Variants in DCLK2 observed in about 807,000 individuals in gnomAD.
DCLK2 encodes doublecortin like kinase 2.
In DCLK2, 31 loss-of-function variants were observed where a neutral mutation model predicts 78.4. That is an observed-to-expected ratio of 0.40 (90% CI 0.30 to 0.53). The LOEUF is 0.53. Ranked by LOEUF, DCLK2 falls within the 20% of genes least tolerant of loss-of-function variation. The pLI is 0.61. For missense variants in DCLK2, 872 were observed against 973.7 expected, an observed-to-expected ratio of 0.90 and a Z score of 1.39; for synonymous variants, 407 against 374.9, an observed-to-expected ratio of 1.09 and a Z score of -0.99.
At chr4:150,209,423 C>G (rs1441896970) in intron 5 of DCLK2, among the ~76,000 whole-genome samples, 1 of 152,228 alleles carries the variant, frequency 6.6e-6, no homozygotes, top group Non-Finnish European at 1.5e-5. Flanking sequence ...TGTACTATGC[C>G]TTTGTTACGA....
chr4:150,123,462 G>A (rs777081137), intron 2 of DCLK2, among the ~76,000 whole-genome samples: 9 of 152,062 alleles, frequency 5.9e-5, no homozygotes, highest in Non-Finnish European at 1.2e-4. Context: ...AGTTTCTGGC[G>A]CACCAAAATG....
intron 2 of DCLK2, among the ~76,000 whole-genome samples, chr4:150,190,227 A>C (rs1434176306): frequency 8.9e-6 from 1 of 112,000 alleles, no homozygotes; most frequent in African/African-American, 2.9e-5. Flanking sequence ...AGATGGATAG[A>C]TGGATAGTTA....
chr4:150,079,585 G>T, intron 1 of DCLK2, 137 bp downstream of exon 1: 1 of 922,750 alleles, frequency 1.1e-6, no homozygotes. Flanking sequence ...CTTCTCTAGA[G>T]ATTGGCTGGG....
intron 1 of DCLK2, among the ~76,000 whole-genome samples, chr4:150,087,956 A>C (rs1444287040): frequency 1.3e-5 from 2 of 152,044 alleles, no homozygotes; most frequent in Admixed American, 1.3e-4. Context: ...CTAGCTTTGG[A>C]GGTGAATGGG....
intron 1 of DCLK2, among the ~76,000 whole-genome samples, chr4:150,096,410 G>C (rs978832336): frequency 2.0e-5 from 3 of 152,176 alleles, no homozygotes; most frequent in Non-Finnish European, 4.4e-5. Flanking sequence ...GGTTGAACTC[G>C]AGAAAGATCT....
intron 2 of DCLK2, among the ~76,000 whole-genome samples, chr4:150,151,032 C>T (rs1274776927): frequency 1.3e-5 from 2 of 152,356 alleles, no homozygotes; most frequent in South Asian, 2.1e-4. Context: ...CACCTACTGC[C>T]CTGCTTGTCG....
chr4:150,211,070 A>C (rs965516408), intron 5 of DCLK2, among the ~76,000 whole-genome samples: 2 of 152,226 alleles, frequency 1.3e-5, no homozygotes, highest in Non-Finnish European at 2.9e-5. Context: ...GGAGCAGCTT[A>C]ACTGGGTGGT....
chr4:150,250,243 G>A (rs150190384), intron 15 of DCLK2, among the ~76,000 whole-genome samples: 3 of 152,238 alleles, frequency 2.0e-5, no homozygotes, highest in African/African-American at 4.8e-5. Flanking sequence ...CAGTGACAAC[G>A]ATGGCCTTAT....
At chr4:150,088,269 G>C (rs906205603) in intron 1 of DCLK2, among the ~76,000 whole-genome samples, 1 of 152,102 alleles carries the variant, frequency 6.6e-6, no homozygotes, top group Non-Finnish European at 1.5e-5. Context: ...GTGTAAACTT[G>C]TCTCTTATTA....
chr4:150,229,306 T>C (rs1323238336), intron 8 of DCLK2, among the ~76,000 whole-genome samples: 1 of 152,008 alleles, frequency 6.6e-6, no homozygotes, highest in Non-Finnish European at 1.5e-5. Flanking sequence ...CCAGCTTGGG[T>C]GACAGAGTGA....
chr4:150,102,857 C>T (rs1580504612), intron 2 of DCLK2, 45 bp downstream of exon 2: 1 of 1,520,520 alleles, frequency 6.6e-7, no homozygotes, highest in East Asian at 2.3e-5. Flanking sequence ...CTTTTAAACT[C>T]CCTGTGCCAT....
intron 11 of DCLK2, 39 bp from the exon 12 acceptor site, chr4:150,240,360 C>T (rs28412493): frequency 0.055 from 85,770 of 1,573,746 alleles, 2,633 homozygotes; most frequent in African/African-American, 0.095. Context: ...GTCTTGGGAG[C>T]CATCAGTTCT....
chr4:150,147,234 G>A (rs1734544990), intron 2 of DCLK2, among the ~76,000 whole-genome samples: 1 of 152,134 alleles, frequency 6.6e-6, no homozygotes. Context: ...GGAGTTCAAG[G>A]TTACAGTGAG....
At chr4:150,190,244 T>TAGATAGAC (rs1553966430) in intron 2 of DCLK2, among the ~76,000 whole-genome samples, 7 of 64,356 alleles carry the variant, frequency 1.1e-4, no homozygotes, top group African/African-American at 5.5e-4. Flanking sequence ...GTTAGATAGA[T>TAGATAGAC]AGATAGATAG....
chr4:150,084,444 C>T (rs1198985399), intron 1 of DCLK2, among the ~76,000 whole-genome samples: 2 of 152,158 alleles, frequency 1.3e-5, no homozygotes, highest in Admixed American at 6.5e-5. Context: ...ATGACTCTTC[C>T]ATAATATCCC....
intron 5 of DCLK2, among the ~76,000 whole-genome samples, chr4:150,214,050 G>A (rs1001360313): frequency 1.3e-5 from 2 of 152,162 alleles, no homozygotes; most frequent in African/African-American, 2.4e-5. Flanking sequence ...CTCACTTCAT[G>A]ACTTGGTACA....
At chr4:150,126,579 T>C (rs567798552) in intron 2 of DCLK2, among the ~76,000 whole-genome samples, 1 of 152,214 alleles carries the variant, frequency 6.6e-6, no homozygotes, top group Admixed American at 6.5e-5. Context: ...AATATGTATT[T>C]TAGGTCTTTT....
intron 8 of DCLK2, among the ~76,000 whole-genome samples, chr4:150,229,305 G>A (rs1741861394): frequency 1.3e-5 from 2 of 152,166 alleles, no homozygotes; most frequent in South Asian, 4.1e-4. Context: ...TCCAGCTTGG[G>A]TGACAGAGTG....
intron 15 of DCLK2, among the ~76,000 whole-genome samples, chr4:150,254,892 G>T (rs1744450541): frequency 6.6e-6 from 1 of 152,080 alleles, no homozygotes; most frequent in Non-Finnish European, 1.5e-5. Flanking sequence ...TGCCCAGGCT[G>T]GTCTCAAACT....
Sources: allele counts gnomAD v4.1 joint callset (sites outside exome capture counted in the v4.1 genomes callset), GRCh38; gene constraint gnomAD v4.1.1; transcripts MANE v1.5; gene names NCBI Gene and HGNC (gene_info 2026-07-23, HGNC 2026-07-21).